The following PLCE1 variants were observed in gnomAD, a reference collection of about 807,000 sequenced individuals.
PLCE1 encodes 1-phosphatidylinositol 4,5-bisphosphate phosphodiesterase epsilon-1.
Under a neutral mutation model 242.8 loss-of-function variants are expected in PLCE1, and 119 were observed. That is an observed-to-expected ratio of 0.49 (90% CI 0.42 to 0.57). The LOEUF is 0.57. PLCE1 is among the 20% of genes least tolerant of loss of function. The probability of loss-of-function intolerance (pLI) is 0.00; values close to 1 mark genes in which losing one functional copy is unlikely to be tolerated. For missense variants in PLCE1, 2,441 were observed against 2,788.8 expected, an observed-to-expected ratio of 0.88 and a Z score of 2.81; for synonymous variants, 945 against 1,017.4, an observed-to-expected ratio of 0.93 and a Z score of 1.35.
Position 94,192,923 on chromosome 10 carries a change from G to T in PLCE1, c.1809+21427G>T, listed in dbSNP as rs369199049. Among the ~76,000 whole-genome samples, 12 of 152,082 alleles carry T rather than the reference G, an allele frequency of 7.9e-5. No individual in the cohort carries two copies. The East Asian group carries it at 9.6e-4, about 12-fold the overall frequency. ...CATCTGATCTTGGAAAAACTAAAAGGATACTATTTTGCGATAGGTGAAAAT... is the reference window on the plus strand; with the variant it reads ...CATCTGATCTTGGAAAAACTAAAAGTATACTATTTTGCGATAGGTGAAAAT... On this transcript the variant is annotated intron_variant, in intron 4 of 32. Transcript: ENST00000371380.
At chr10:94,007,860 A>G (rs760111425) in intron 1 of PLCE1, among the ~76,000 whole-genome samples, 1 of 151,262 alleles carries the variant, frequency 6.6e-6, no homozygotes, top group East Asian at 1.9e-4. Flanking sequence ...AGTTCATACT[A>G]TGTTTTGTTC....
rs191741521 is a variant in PLCE1 at position 94,041,721 on chromosome 10, C to T, written c.1206+9469C>T. Among the ~76,000 whole-genome samples the T allele has an allele frequency of 1.4e-4, 22 of 152,152 alleles. 1 individual carries two copies. The East Asian group carries it at 3.5e-3, about 24-fold the overall frequency. ...AATCTAGCTTCTGTCAGTGGGGGTTCGGGGATGGACATGGTGGTGGAGGGA... is the reference window on the plus strand; with the variant it reads ...AATCTAGCTTCTGTCAGTGGGGGTTTGGGGATGGACATGGTGGTGGAGGGA... On this transcript the variant is annotated intron_variant, in intron 2 of 32. Coordinates refer to ENST00000371380, the MANE Select transcript of PLCE1 (RefSeq NM_016341.4).
chr10:94,118,661 T>C (rs1043776764), intron 2 of PLCE1, among the ~76,000 whole-genome samples: 2 of 152,216 alleles, frequency 1.3e-5, no homozygotes, highest in Non-Finnish European at 2.9e-5. Flanking sequence ...CCTTCCACCA[T>C]GATTGTGAGG....
chr10:94,054,862 A>G (rs2043859541), intron 2 of PLCE1, among the ~76,000 whole-genome samples: 1 of 152,042 alleles, frequency 6.6e-6, no homozygotes, highest in South Asian at 2.1e-4. Context: ...AGTACAAAAA[A>G]TTAGCTGGAC....
At chr10:94,201,464 G>A (rs1398099790) in intron 4 of PLCE1, among the ~76,000 whole-genome samples, 1 of 152,142 alleles carries the variant, frequency 6.6e-6, no homozygotes. Context: ...AGGAATTTCA[G>A]TTTAATCTTG....
chr10:94,019,385 A>G (rs1368187075), intron 1 of PLCE1, among the ~76,000 whole-genome samples: 1 of 152,124 alleles, frequency 6.6e-6, no homozygotes, highest in Non-Finnish European at 1.5e-5. Context: ...TATAGCCACC[A>G]CCTCAATCAA....
chr10:94,167,564 A>C (rs2047845962), intron 3 of PLCE1, among the ~76,000 whole-genome samples: 1 of 151,840 alleles, frequency 6.6e-6, no homozygotes, highest in African/African-American at 2.4e-5. Context: ...ACATGTGCAC[A>C]ACGTGCAGGT....
chr10:94,123,457 G>A (rs2046354638), intron 2 of PLCE1, among the ~76,000 whole-genome samples: 1 of 152,196 alleles, frequency 6.6e-6, no homozygotes, highest in Non-Finnish European at 1.5e-5. Context: ...TGCATGGTCT[G>A]AATACTCTCA....
intron 4 of PLCE1, among the ~76,000 whole-genome samples, chr10:94,214,274 C>G (rs140172483): frequency 3.9e-5 from 6 of 152,124 alleles, no homozygotes; most frequent in African/African-American, 1.4e-4. Context: ...CAGTAAGGCA[C>G]GATCATTTAC....
At chr10:94,200,531 A>C (rs1331411101) in intron 4 of PLCE1, among the ~76,000 whole-genome samples, 1 of 152,246 alleles carries the variant, frequency 6.6e-6, no homozygotes, top group East Asian at 1.9e-4. Flanking sequence ...ATGGGGGAGA[A>C]TAAATGAAAG....
chr10:94,291,641 C>G (rs1425614977), intron 22 of PLCE1, among the ~76,000 whole-genome samples: 3 of 152,110 alleles, frequency 2.0e-5, no homozygotes, highest in Non-Finnish European at 4.4e-5. Context: ...AATAAAGTAT[C>G]TAGTGTGATT....
intron 3 of PLCE1, among the ~76,000 whole-genome samples, chr10:94,137,007 A>G (rs2046799517): frequency 6.6e-6 from 1 of 152,176 alleles, no homozygotes; most frequent in African/African-American, 2.4e-5. Flanking sequence ...CCTGGCTAAC[A>G]TGGTGAAACC....
intron 2 of PLCE1, chr10:94,105,953 C>G (rs984151311): frequency 2.0e-5 from 3 of 152,140 alleles, no homozygotes; most frequent in African/African-American, 7.2e-5. Context: ...ACACAACAAA[C>G]CTATAAGGTT....
intron 2 of PLCE1, among the ~76,000 whole-genome samples, chr10:94,052,497 C>A (rs1180198233): frequency 2.0e-5 from 3 of 152,146 alleles, no homozygotes; most frequent in African/African-American, 7.2e-5. Flanking sequence ...TTGGTAATTT[C>A]TTTTGCAGAT....
chr10:94,117,962 T>C (rs1262462875), intron 2 of PLCE1, among the ~76,000 whole-genome samples: 1 of 152,216 alleles, frequency 6.6e-6, no homozygotes, highest in Non-Finnish European at 1.5e-5. Context: ...CACTGTCGCC[T>C]GATTGTTTCA....
intron 3 of PLCE1, among the ~76,000 whole-genome samples, chr10:94,154,793 C>T (rs1564738326): frequency 6.6e-6 from 1 of 151,596 alleles, no homozygotes; most frequent in Non-Finnish European, 1.5e-5. Flanking sequence ...AATCTCAACA[C>T]TTTAGGAGGC....
At chr10:94,081,321 A>C (rs748593971) in intron 2 of PLCE1, among the ~76,000 whole-genome samples, 3 of 152,106 alleles carry the variant, frequency 2.0e-5, no homozygotes, top group Non-Finnish European at 4.4e-5. Flanking sequence ...TTATATTATC[A>C]TGTGTTGTGT....
At position 94,171,129 on chromosome 10, in the gene PLCE1, G is replaced by A. The variant is rs368326615; in HGVS notation, c.1493-51G>A. 192 of 1,427,564 alleles carry A rather than the reference G, an allele frequency of 1.3e-4. 2 individuals are homozygous for A. In the Middle Eastern group the frequency reaches 3.0e-3, roughly 22 times the overall value. The allele number at this position is 1,427,564 out of a possible 1,614,324, so 88.4% of individuals were successfully genotyped here. The stretch of plus-strand genomic sequence containing the variant: ...AATGGCTCTCAAGTAAATATCTGTT[G>A]CAGGGGACACCAGATTTGATGTAAC... On this transcript the variant is annotated intron_variant, in intron 3 of 32. Coordinates refer to ENST00000371380, the MANE Select transcript of PLCE1 (RefSeq NM_016341.4).
At chr10:94,223,354 A>G (rs1407650756) in intron 4 of PLCE1, among the ~76,000 whole-genome samples, 1 of 151,962 alleles carries the variant, frequency 6.6e-6, no homozygotes, top group African/African-American at 2.4e-5. Context: ...AAGGAGGGAT[A>G]TAGGGGAGAG....
Sources: allele counts gnomAD v4.1 joint callset (sites outside exome capture counted in the v4.1 genomes callset), GRCh38; gene constraint gnomAD v4.1.1; transcripts MANE v1.5; gene names NCBI Gene and HGNC (gene_info 2026-07-23, HGNC 2026-07-21).